Variants in ARHGAP22 observed in about 807,000 individuals in gnomAD.
The protein encoded by ARHGAP22 is Rho GTPase activating protein 22.
In ARHGAP22, 48 loss-of-function variants were observed where a neutral mutation model predicts 59.1. The observed-to-expected ratio is 0.81, with a 90% CI of 0.64 to 1.03. The LOEUF (loss-of-function observed/expected upper bound fraction) is 1.03, where lower values mean the gene tolerates loss of function less well. ARHGAP22 is among the 50% of genes least tolerant of loss of function. The pLI, the probability that ARHGAP22 is intolerant of heterozygous loss-of-function variation, is 0.00. For missense variants in ARHGAP22, 1,015 were observed against 958.7 expected (o/e 1.06, Z -0.78); for synonymous variants, 445 against 416.4 (o/e 1.07, Z -0.84).
chr10:48,612,382 T>C (rs1010450759), intron 1 of ARHGAP22, among the ~76,000 whole-genome samples: 4 of 152,220 alleles, frequency 2.6e-5, no homozygotes, highest in Non-Finnish European at 5.9e-5. Flanking sequence ...TGGCAGGCAG[T>C]TGGATGTGGT....
At chr10:48,491,757 T>C (rs1056598952) in intron 3 of ARHGAP22, among the ~76,000 whole-genome samples, 1 of 152,250 alleles carries the variant, frequency 6.6e-6, no homozygotes, top group Non-Finnish European at 1.5e-5. Context: ...TGTGGGATCT[T>C]GAGGGAAGCA....
At chr10:48,618,690 T>C (rs1019230527) in intron 1 of ARHGAP22, among the ~76,000 whole-genome samples, 10 of 152,036 alleles carry the variant, frequency 6.6e-5, no homozygotes, top group African/African-American at 2.4e-4. Context: ...ACAAAAGGAA[T>C]GTACCTCAAC....
chr10:48,482,044 C>G (rs1385887980), intron 3 of ARHGAP22, among the ~76,000 whole-genome samples: 1 of 152,156 alleles, frequency 6.6e-6, no homozygotes, highest in Admixed American at 6.5e-5. Context: ...ATATTTCTCC[C>G]AGTCCATGTC....
chr10:48,602,267 G>C (rs1306494306), intron 1 of ARHGAP22, among the ~76,000 whole-genome samples: 2 of 152,092 alleles, frequency 1.3e-5, no homozygotes, highest in Non-Finnish European at 2.9e-5. Context: ...ATTCATCAAG[G>C]CTCCTGAGAC....
intron 3 of ARHGAP22, among the ~76,000 whole-genome samples, chr10:48,508,612 G>A (rs904336558): frequency 1.3e-5 from 2 of 152,220 alleles, no homozygotes; most frequent in East Asian, 3.9e-4. Context: ...AAAAAAATGG[G>A]AAGTCATCAA....
chr10:48,615,637 G>A (rs2061050371), intron 1 of ARHGAP22, among the ~76,000 whole-genome samples: 1 of 151,980 alleles, frequency 6.6e-6, no homozygotes, highest in Admixed American at 6.6e-5. Flanking sequence ...TCAATCAGTA[G>A]AACTGTCCAT....
chr10:48,641,068 T>G (rs1464877348), intron 1 of ARHGAP22, among the ~76,000 whole-genome samples: 2 of 152,150 alleles, frequency 1.3e-5, no homozygotes, highest in East Asian at 3.8e-4. Flanking sequence ...ATGCATATTG[T>G]AATCTCTAGA....
rs2048465599 is a variant in ARHGAP22, at chr10:48,473,953, GA to G, written c.451+5682del. Among the ~76,000 whole-genome samples, 21 of 152,338 alleles carry G rather than the reference GA, an allele frequency of 1.4e-4. No homozygotes were observed. In the South Asian group the frequency reaches 4.1e-3, roughly 30 times the overall value. ...TGTCTCCCTTCTCTCTCCTCTCAGA[GA>G]GAGCTGGCAAGGAGGTACTGCGCCA... On this transcript the variant is annotated intron_variant, in intron 4 of 9. Coordinates refer to ENST00000249601, the MANE Select transcript of ARHGAP22 (RefSeq NM_021226.4).
chr10:48,608,607 ACT>A (rs1157390483), upstream of ARHGAP22, among the ~76,000 whole-genome samples: 2 of 151,818 alleles, frequency 1.3e-5, no homozygotes, highest in Non-Finnish European at 2.9e-5. Flanking sequence ...TGCTTAGTGC[ACT>A]CTCTGTTCCT....
At chr10:48,560,720 G>A (rs145572634) in intron 2 of ARHGAP22, among the ~76,000 whole-genome samples, 28 of 152,174 alleles carry the variant, frequency 1.8e-4, no homozygotes, top group African/African-American at 6.7e-4. Flanking sequence ...AAGCAATATT[G>A]AATGCTGTCA....
intron 1 of ARHGAP22, among the ~76,000 whole-genome samples, chr10:48,602,794 A>G (rs561763419): frequency 1.3e-5 from 2 of 152,360 alleles, no homozygotes; most frequent in Admixed American, 1.3e-4. Context: ...TACAACTGCA[A>G]CCTATGGTAA....
chr10:48,498,783 C>T (rs936515330), intron 3 of ARHGAP22, among the ~76,000 whole-genome samples: 1 of 152,122 alleles, frequency 6.6e-6, no homozygotes, highest in Admixed American at 6.5e-5. Flanking sequence ...GGGAATGGGA[C>T]ACCAGGATAC....
chr10:48,511,018 G>A (rs1373673120), intron 3 of ARHGAP22: 2 of 152,326 alleles, frequency 1.3e-5, no homozygotes, highest in African/African-American at 4.8e-5. Flanking sequence ...ACTCTTCCCT[G>A]GTGGCTCTTC....
chr10:48,540,186 A>G (rs2055794200), intron 3 of ARHGAP22, among the ~76,000 whole-genome samples: 1 of 152,212 alleles, frequency 6.6e-6, no homozygotes, highest in Admixed American at 6.5e-5. Context: ...TTTGCTTTTG[A>G]GTTTATTATG....
chr10:48,640,016 G>A (rs2061979663), intron 1 of ARHGAP22, among the ~76,000 whole-genome samples: 1 of 152,150 alleles, frequency 6.6e-6, no homozygotes, highest in African/African-American at 2.4e-5. Context: ...GAATTTCAAT[G>A]AGATAGAAAA....
At chr10:48,642,273 T>C (rs1046875642) in intron 1 of ARHGAP22, among the ~76,000 whole-genome samples, 1 of 152,250 alleles carries the variant, frequency 6.6e-6, no homozygotes, top group Non-Finnish European at 1.5e-5. Context: ...AGAGCCCGCA[T>C]TGCCAAGACA....
intron 3 of ARHGAP22, among the ~76,000 whole-genome samples, chr10:48,537,875 C>T (rs2055528013): frequency 6.6e-6 from 1 of 152,174 alleles, no homozygotes; most frequent in South Asian, 2.1e-4. Flanking sequence ...GGGAGACCCG[C>T]CAGGAGTGGA....
At chr10:48,457,183 G>A (rs10857574) in intron 5 of ARHGAP22, among the ~76,000 whole-genome samples, 63,264 of 151,974 alleles carry the variant, frequency 0.42, 14,824 homozygotes, top group Admixed American at 0.52. Context: ...CCCCGCCCAC[G>A]CCAACACCGG....
chr10:48,434,147 T>C, the ARHGAP22 span, among the ~76,000 whole-genome samples: 1 of 152,314 alleles, frequency 6.6e-6, no homozygotes, highest in Admixed American at 6.5e-5. Flanking sequence ...GCTTGTTAGG[T>C]AATACTTTCG....
Sources: gnomAD v4.1 joint callset for allele counts (sites outside exome capture counted in the v4.1 genomes callset) on GRCh38, gnomAD v4.1.1 for gene constraint, MANE v1.5 for transcripts, NCBI Gene and HGNC (gene_info 2026-07-23, HGNC 2026-07-21) for gene names.